ZNF69: variants seen among roughly 807,000 people sequenced by gnomAD.
The protein encoded by ZNF69 is zinc finger protein 69, also known as ZNF3.
A neutral mutation model predicts 50.9 loss-of-function variants in ZNF69; 47 were observed. The ratio of observed to expected loss-of-function variants is 0.92; its 90% confidence interval spans 0.73 to 1.18. ZNF69 has a LOEUF of 1.18. Among genes scored for constraint, ZNF69 ranks in the 50% most tolerant of loss-of-function variants. The pLI is 0.00. For missense variants in ZNF69, 717 were observed against 675.1 expected, an observed-to-expected ratio of 1.06 and a Z score of -0.69; for synonymous variants, 216 against 223.1, an observed-to-expected ratio of 0.97 and a Z score of 0.29.
chr19:11,899,678 T>G (rs2145226754), intron 1 of ZNF69, among the ~76,000 whole-genome samples: 1 of 152,300 alleles, frequency 6.6e-6, no homozygotes, highest in East Asian at 1.9e-4. Context: ...TTTTTGGCAG[T>G]TATGAGTAAG....
chr19:11,925,804 C>A, the ZNF69 span, among the ~76,000 whole-genome samples: 5 of 152,220 alleles, frequency 3.3e-5, no homozygotes, highest in Admixed American at 2.6e-4. Context: ...GAAGTTTATT[C>A]AGAGCCGAAT....
the ZNF69 span, among the ~76,000 whole-genome samples, chr19:11,970,156 T>C: frequency 6.6e-6 from 1 of 152,240 alleles, no homozygotes; most frequent in East Asian, 1.9e-4. Flanking sequence ...TGGAGACACA[T>C]GGCTGTTCTG....
chr19:11,917,410 C>T (rs145403068), downstream of ZNF69, among the ~76,000 whole-genome samples: 323 of 152,308 alleles, frequency 2.1e-3, 2 homozygotes, highest in African/African-American at 6.8e-3. Context: ...AATTTTCTGA[C>T]TGCTCACATT....
chr19:11,906,086 G>A lies in ZNF69; in HGVS notation c.1689G>A (p.Glu563=), dbSNP rs372358097. The A allele has an allele frequency of 4.2e-4, 684 of 1,611,232 alleles. 3 individuals carry two copies. The South Asian group carries it at 7.1e-3, about 17-fold the overall frequency. Reference sequence around the variant, plus strand: ...CTCACCCTGAAGATAAACCCTATGAGTGTAAGCAATGAGGGAAAGCCTTCA... The same window carrying A: ...CTCACCCTGAAGATAAACCCTATGAATGTAAGCAATGAGGGAAAGCCTTCA... ...GRTHPEDKPY[E]CKQ Residue 563 remains glutamate (E), a synonymous_variant, in exon 4 of 4, where the codon GAG becomes GAA. Coordinates refer to ENST00000429654, the MANE Select transcript of ZNF69 (RefSeq NM_001364730.1).
chr19:11,945,938 G>A, the ZNF69 span, among the ~76,000 whole-genome samples: 8 of 151,892 alleles, frequency 5.3e-5, no homozygotes, highest in Non-Finnish European at 1.2e-4. Context: ...GCCGAGACTC[G>A]TGTGGCTTCG....
chr19:11,945,394 G>A, the ZNF69 span, among the ~76,000 whole-genome samples: 2 of 152,188 alleles, frequency 1.3e-5, no homozygotes, highest in Non-Finnish European at 2.9e-5. Flanking sequence ...CCAAGCACAA[G>A]TCCTGTACTG....
Position 11,905,847 on chromosome 19 carries a change from G to A in ZNF69, c.1450G>A (p.Gly484Arg), listed in dbSNP as rs912522550. 7 of 1,613,842 alleles carry A rather than the reference G, an allele frequency of 4.3e-6. No individual in the cohort carries two copies. The highest frequency in any genetic ancestry group is 4.2e-6 in the Non-Finnish European group (5 of 1,180,026). The stretch of plus-strand genomic sequence containing the variant: ...AAGACCTTATAAATGTAAGCTATGT[G>A]GGAAAGGCTTTTATTGTCCCAAATC... ...GERPYKCKLC[G>R]KGFYCPKSLQ... Residue 484 changes from glycine (G) to arginine (R), a missense_variant, in exon 4 of 4, where the codon GGG becomes AGG. Physicochemically the swap from Gly to Arg is moderately radical, Grantham distance 125 (BLOSUM62 -2). Coordinates refer to ENST00000429654, the MANE Select transcript of ZNF69 (RefSeq NM_001364730.1).
chr19:11,915,221 A>G (rs1473017888), downstream of ZNF69, among the ~76,000 whole-genome samples: 1 of 152,170 alleles, frequency 6.6e-6, no homozygotes, highest in African/African-American at 2.4e-5. Context: ...AAAAAAAGAA[A>G]GAGTTGGATG....
intron 4 of ZNF69, among the ~76,000 whole-genome samples, chr19:11,911,749 A>G (rs1044585194): frequency 7.2e-5 from 11 of 152,178 alleles, no homozygotes; most frequent in African/African-American, 2.2e-4. Flanking sequence ...CAGCACACCA[A>G]CATGGCACGT....
At chr19:11,977,533 C>T in the ZNF69 span, 2 of 1,388,046 alleles carry the variant, frequency 1.4e-6, no homozygotes, top group East Asian at 2.3e-5. Flanking sequence ...GTATCAAATT[C>T]ATCTCTTCTT....
At chr19:11,899,760 G>A (rs947490727) in intron 1 of ZNF69, among the ~76,000 whole-genome samples, 1 of 152,058 alleles carries the variant, frequency 6.6e-6, no homozygotes, top group African/African-American at 2.4e-5. Context: ...CAATATGTAG[G>A]AATGAGACTA....
chr19:11,889,662 G>A (rs145527860), intron 1 of ZNF69, among the ~76,000 whole-genome samples: 1 of 152,288 alleles, frequency 6.6e-6, no homozygotes, highest in Non-Finnish European at 1.5e-5. Flanking sequence ...TTCTTGTCAG[G>A]TAGAGACAAG....
the ZNF69 span, chr19:11,953,219 T>C: frequency 6.6e-6 from 1 of 152,302 alleles, no homozygotes; most frequent in Non-Finnish European, 1.5e-5. Context: ...CAAATGTGAC[T>C]TTCCACAGGA....
At chr19:11,966,915 GA>G in the ZNF69 span, among the ~76,000 whole-genome samples, 1 of 152,106 alleles carries the variant, frequency 6.6e-6, no homozygotes, top group Non-Finnish European at 1.5e-5. Flanking sequence ...TCCAAAATTG[GA>G]AGTTAAGTTC....
chr19:11,979,894 T>G, the ZNF69 span: 1 of 1,415,080 alleles, frequency 7.1e-7, no homozygotes, highest in African/African-American at 1.4e-5. Context: ...TAGAAAGACC[T>G]TATAAATGTA....
the ZNF69 span, chr19:11,965,130 T>A: frequency 2.5e-6 from 4 of 1,602,684 alleles, no homozygotes; most frequent in Admixed American, 6.7e-5. Context: ...CAGGTTTCTA[T>A]CGCTCTGTCT....
At chr19:11,932,082 C>T in the ZNF69 span, among the ~76,000 whole-genome samples, 1 of 146,506 alleles carries the variant, frequency 6.8e-6, no homozygotes, top group East Asian at 1.9e-4. Flanking sequence ...AAGATCGTGC[C>T]ATTGCACTTC....
At chr19:11,943,714 TA>T in the ZNF69 span, among the ~76,000 whole-genome samples, 1 of 152,196 alleles carries the variant, frequency 6.6e-6, no homozygotes, top group Non-Finnish European at 1.5e-5. Flanking sequence ...AAGATTGTTT[TA>T]ACTTGTTGCC....
At chr19:11,947,613 AC>A in the ZNF69 span, 2 of 1,546,158 alleles carry the variant, frequency 1.3e-6, no homozygotes, top group Non-Finnish European at 1.8e-6. Context: ...GTCTCTCTGC[AC>A]AATCTTAGAA....
Sources: gnomAD v4.1 joint callset for allele counts (sites outside exome capture counted in the v4.1 genomes callset) on GRCh38, gnomAD v4.1.1 for gene constraint, MANE v1.5 for transcripts, NCBI Gene and HGNC (gene_info 2026-07-23, HGNC 2026-07-21) for gene names.